The following BRINP1 variants were observed in gnomAD, a reference collection of about 807,000 sequenced individuals.
The protein encoded by BRINP1 is BMP/retinoic acid-inducible neural-specific protein 1.
Under a neutral mutation model 72.9 loss-of-function variants are expected in BRINP1, and 17 were observed. The ratio of observed to expected loss-of-function variants is 0.23; its 90% CI spans 0.16 to 0.35. The LOEUF is 0.35. Ranked by LOEUF, BRINP1 falls within the 10% of genes least tolerant of loss-of-function variation. The probability of loss-of-function intolerance (pLI) is 1.00; values close to 1 mark genes in which losing one functional copy is unlikely to be tolerated. For missense variants in BRINP1, 850 were observed against 1,001.6 expected (o/e 0.85, Z 2.04); for synonymous variants, 418 against 378.5 (o/e 1.10, Z -1.21).
chr9:119,339,399 A>T (rs978617274), intron 1 of BRINP1, among the ~76,000 whole-genome samples: 3 of 152,168 alleles, frequency 2.0e-5, no homozygotes, highest in African/African-American at 7.2e-5. Flanking sequence ...ATTTCATTTG[A>T]TTATTTATTA....
chr9:119,175,119 T>TAA lies in BRINP1; in HGVS notation c.1146-6897_1146-6896dup, dbSNP rs35857917. 5.1e-3 allele frequency among the ~76,000 whole-genome samples: 317 copies of TAA among 62,658 alleles called. 1 individual carries two copies. The highest frequency in any genetic ancestry group is 0.015 in the African/African-American group (303 of 20,788). 41.1% of individuals were successfully genotyped at this position (62,658 alleles called of 152,430 possible). On this transcript the variant is annotated intron_variant, in intron 7 of 7. Coordinates refer to ENST00000265922, the MANE Select transcript of BRINP1 (RefSeq NM_014618.3). The stretch of plus-strand genomic sequence containing the variant: ...GTACCCTAAAACTTAAAGTAAAGTA[T>TAA]AAAAAAAAAAAAAGACAAAAAAAAA...
intron 2 of BRINP1, among the ~76,000 whole-genome samples, chr9:119,252,172 T>C (rs1202445218): frequency 6.6e-6 from 1 of 152,150 alleles, no homozygotes; most frequent in Non-Finnish European, 1.5e-5. Context: ...AGGGAATCCT[T>C]AGGCCAACAG....
intron 2 of BRINP1, among the ~76,000 whole-genome samples, chr9:119,274,972 A>T (rs1226845496): frequency 6.6e-6 from 1 of 152,202 alleles, no homozygotes; most frequent in Non-Finnish European, 1.5e-5. Flanking sequence ...AATGCTTATG[A>T]TAACCCTGTA....
intron 2 of BRINP1, among the ~76,000 whole-genome samples, chr9:119,310,694 G>A (rs564619872): frequency 3.7e-4 from 57 of 152,168 alleles, no homozygotes; most frequent in Non-Finnish European, 7.2e-4. Context: ...CAAAAAATGT[G>A]CACTAGGATA....
chr9:119,224,448 T>C (rs758142893), intron 5 of BRINP1, among the ~76,000 whole-genome samples: 8 of 152,038 alleles, frequency 5.3e-5, no homozygotes, highest in Non-Finnish European at 1.0e-4. Flanking sequence ...TCATAATACA[T>C]ATTAGCACAG....
At chr9:119,249,445 T>C (rs1195575206) in intron 2 of BRINP1, among the ~76,000 whole-genome samples, 1 of 152,088 alleles carries the variant, frequency 6.6e-6, no homozygotes, top group East Asian at 1.9e-4. Context: ...AGGGGTTGGG[T>C]AGAGGGACTG....
intron 6 of BRINP1, among the ~76,000 whole-genome samples, chr9:119,209,319 T>C (rs1829894848): frequency 6.6e-6 from 1 of 152,228 alleles, no homozygotes; most frequent in Non-Finnish European, 1.5e-5. Flanking sequence ...ACACCTGTAA[T>C]CCCAGGACTT....
intron 7 of BRINP1, among the ~76,000 whole-genome samples, chr9:119,173,303 T>C (rs966934517): frequency 4.0e-5 from 6 of 149,194 alleles, no homozygotes; most frequent in African/African-American, 1.5e-4. Context: ...ACAAAATCAA[T>C]GTACAAAAAT....
intron 2 of BRINP1, among the ~76,000 whole-genome samples, chr9:119,257,147 G>A (rs1830454254): frequency 1.3e-5 from 2 of 152,198 alleles, no homozygotes; most frequent in African/African-American, 4.8e-5. Flanking sequence ...AAGCCATACA[G>A]TCAGAAAGAC....
intron 2 of BRINP1, among the ~76,000 whole-genome samples, chr9:119,269,527 C>G (rs949215421): frequency 2.0e-5 from 3 of 152,180 alleles, no homozygotes; most frequent in Non-Finnish European, 4.4e-5. Flanking sequence ...TTCCTACCCC[C>G]ACCCCTGTTT....
At chr9:119,262,293 A>G (rs1830503628) in intron 2 of BRINP1, among the ~76,000 whole-genome samples, 1 of 152,048 alleles carries the variant, frequency 6.6e-6, no homozygotes, top group African/African-American at 2.4e-5. Context: ...CATATTTCTT[A>G]CTTACTTCCT....
At chr9:119,194,655 G>A (rs778049129) in intron 7 of BRINP1, among the ~76,000 whole-genome samples, 1 of 152,282 alleles carries the variant, frequency 6.6e-6, no homozygotes, top group South Asian at 2.1e-4. Context: ...CCTGGAGAAG[G>A]GCCCCTAGCC....
chr9:119,242,931 T>G (rs1830271054), intron 3 of BRINP1, among the ~76,000 whole-genome samples: 1 of 152,140 alleles, frequency 6.6e-6, no homozygotes, highest in East Asian at 1.9e-4. Context: ...TCCAGGGAGC[T>G]GCCTCTATTC....
At chr9:119,334,032 T>A (rs1040632911) in intron 1 of BRINP1, among the ~76,000 whole-genome samples, 1 of 152,070 alleles carries the variant, frequency 6.6e-6, no homozygotes, top group Non-Finnish European at 1.5e-5. Flanking sequence ...GCCCATACAC[T>A]CCCTGACAGA....
At chr9:119,366,731 T>C (rs1414338918) in intron 1 of BRINP1, among the ~76,000 whole-genome samples, 1 of 151,722 alleles carries the variant, frequency 6.6e-6, no homozygotes, top group African/African-American at 2.4e-5. Context: ...GTGGGAGCAA[T>C]ATACAGTCCT....
chr9:119,204,954 G>A (rs1452122340), intron 7 of BRINP1, among the ~76,000 whole-genome samples: 1 of 152,206 alleles, frequency 6.6e-6, no homozygotes, highest in Non-Finnish European at 1.5e-5. Context: ...GGCACCTGCT[G>A]CAGTAATGGC....
intron 2 of BRINP1, among the ~76,000 whole-genome samples, chr9:119,312,487 GT>G (rs1456526502): frequency 2.6e-5 from 4 of 152,050 alleles, no homozygotes; most frequent in Non-Finnish European, 4.4e-5. Flanking sequence ...CAAAGATATG[GT>G]TGTTAAGTGG....
intron 7 of BRINP1, among the ~76,000 whole-genome samples, chr9:119,185,832 T>A (rs1829611401): frequency 6.6e-6 from 1 of 152,184 alleles, no homozygotes; most frequent in African/African-American, 2.4e-5. Flanking sequence ...CCACGTTGTA[T>A]CCCACTCCCG....
intron 2 of BRINP1, among the ~76,000 whole-genome samples, chr9:119,252,552 A>ATG (rs1491414290): frequency 5.8e-4 from 85 of 146,886 alleles, no homozygotes; most frequent in Non-Finnish European, 4.8e-4. Context: ...ATATAGTCAT[A>ATG]CGTGTGTGTG....
Sources: gnomAD v4.1 joint callset for allele counts (sites outside exome capture counted in the v4.1 genomes callset) on GRCh38, gnomAD v4.1.1 for gene constraint, MANE v1.5 for transcripts, NCBI Gene and HGNC (gene_info 2026-07-23, HGNC 2026-07-21) for gene names.